JMJD1C: variants seen among roughly 807,000 people sequenced by gnomAD.
The protein encoded by JMJD1C is jumonji domain containing 1C.
JMJD1C carries 31 observed loss-of-function variants against 245.3 expected under a neutral mutation model. The observed-to-expected ratio is 0.13, with a 90% CI of 0.09 to 0.17. JMJD1C has a LOEUF of 0.17. Ranked by LOEUF, JMJD1C falls within the 10% of genes least tolerant of loss-of-function variation. JMJD1C has a pLI of 1.00. For missense variants in JMJD1C, 2,691 were observed against 3,000.2 expected, an observed-to-expected ratio of 0.90 and a Z score of 2.41; for synonymous variants, 1,057 against 1,017.4, an observed-to-expected ratio of 1.04 and a Z score of -0.74.
intron 1 of JMJD1C, among the ~76,000 whole-genome samples, chr10:63,480,874 A>C (rs1197966761): frequency 6.6e-6 from 1 of 152,210 alleles, no homozygotes; most frequent in Admixed American, 6.5e-5. Context: ...CTTTCATTCT[A>C]TATCACAGGA....
At chr10:63,194,534 G>GAT (rs1404641736) in intron 13 of JMJD1C, 159 bp from the exon 14 acceptor site, 1 of 541,362 alleles carries the variant, frequency 1.8e-6, no homozygotes, top group Non-Finnish European at 3.3e-6. Context: ...AAATGTCAAT[G>GAT]ATATGCTTTA....
intron 1 of JMJD1C, chr10:63,427,335 T>TA: frequency 9.4e-7 from 1 of 1,067,650 alleles, no homozygotes; most frequent in Admixed American, 2.0e-5. Context: ...TGCTCCAGAG[T>TA]TCCTGGGACC....
chr10:63,204,233 GGACTTGGTGAAC>G (rs775869197), intron 10 of JMJD1C: 137 of 985,048 alleles, frequency 1.4e-4, no homozygotes, highest in Non-Finnish European at 1.3e-4. Context: ...ATATTACTTT[GGACTTGGTGAAC>G]AAATGGGTCA....
rs1440662664 is a variant in JMJD1C, at chr10:63,183,425, CTACT to C, written c.7084+18_7084+21del. ...GATTATTCAACTCTTATTTCAAAGA[CTACT>C]TATTCTTTTAAGTTTACCTGCTTTT... On this transcript the variant is annotated intron_variant, in intron 22 of 25. Transcript: ENST00000399262. 3 of 1,591,972 alleles carry C rather than the reference CTACT, an allele frequency of 1.9e-6. No homozygotes were observed. Among genetic ancestry groups the C allele is most frequent in the South Asian group, 1.1e-5 (1 of 89,390 alleles).
At chr10:63,271,561 AT>A (rs919486178) in intron 2 of JMJD1C, among the ~76,000 whole-genome samples, 3 of 151,740 alleles carry the variant, frequency 2.0e-5, no homozygotes, top group Non-Finnish European at 4.4e-5. Flanking sequence ...ATTAAAAAAA[AT>A]TTTTTTGAGA....
chr10:63,340,788 T>C (rs1373746810), intron 2 of JMJD1C, among the ~76,000 whole-genome samples: 1 of 151,858 alleles, frequency 6.6e-6, no homozygotes, highest in Non-Finnish European at 1.5e-5. Context: ...CTACTAAAAA[T>C]ACAAAAATTG....
intron 1 of JMJD1C, among the ~76,000 whole-genome samples, chr10:63,443,731 T>G (rs2719811): frequency 0.99 from 150,044 of 152,298 alleles, 73,946 homozygotes; most frequent in Middle Eastern, 1. Flanking sequence ...AGAGGTTAGG[T>G]CATGGAGATG....
intron 8 of JMJD1C, among the ~76,000 whole-genome samples, chr10:63,210,522 A>G (rs1281974724): frequency 2.0e-5 from 3 of 152,196 alleles, no homozygotes; most frequent in African/African-American, 7.2e-5. Context: ...TATACATGTG[A>G]CACATACTGA....
chr10:63,389,711 G>A lies in JMJD1C; in HGVS notation c.169-9229C>T, dbSNP rs1020026187. Among the ~76,000 whole-genome samples the A allele has an allele frequency of 4.2e-4, 64 of 152,006 alleles. 1 individual carries two copies. The highest frequency in any genetic ancestry group is 1.5e-4 in the Non-Finnish European group (10 of 67,988). ...TTGTATCAAACCCTCAGACCACAATGAAATAAAACTAGAAATCAACAAAGA... is the reference window on the plus strand; with the variant it reads ...TTGTATCAAACCCTCAGACCACAATAAAATAAAACTAGAAATCAACAAAGA... On this transcript the variant is annotated intron_variant, in intron 1 of 25. Coordinates refer to ENST00000399262, the MANE Select transcript of JMJD1C (RefSeq NM_032776.3).
chr10:63,498,163 G>A (rs1954420630), intron 1 of JMJD1C, among the ~76,000 whole-genome samples: 2 of 152,068 alleles, frequency 1.3e-5, no homozygotes, highest in African/African-American at 4.8e-5. Context: ...CTAAAAAATA[G>A]CAAGTCACTG....
chr10:63,365,354 T>A (rs1589592339), intron 2 of JMJD1C, among the ~76,000 whole-genome samples: 1 of 152,348 alleles, frequency 6.6e-6, no homozygotes, highest in East Asian at 1.9e-4. Context: ...TATCTCCAAA[T>A]CTTAAATTGT....
chr10:63,292,144 A>ATTTTTTTTGTTTTTTTTTTTTTTTTT (rs1858839970), intron 2 of JMJD1C, among the ~76,000 whole-genome samples: 1 of 56,326 alleles, frequency 1.8e-5, no homozygotes. Context: ...GTAGAGACAG[A>ATTTTTTTTGTTTTTTTTTTTTTTTTT]TTTTTTTTTT....
chr10:63,389,996 C>T (rs1002508006), intron 1 of JMJD1C, among the ~76,000 whole-genome samples: 31 of 151,956 alleles, frequency 2.0e-4, no homozygotes, highest in Admixed American at 1.5e-3. Flanking sequence ...GAATAGAACA[C>T]GGCAAGCCCA....
intron 1 of JMJD1C, among the ~76,000 whole-genome samples, chr10:63,406,373 G>T (rs972866847): frequency 6.6e-6 from 1 of 151,986 alleles, no homozygotes; most frequent in Non-Finnish European, 1.5e-5. Context: ...AAGCAATTTT[G>T]GACATGAAGA....
At position 63,207,182 on chromosome 10, in the gene JMJD1C, C is replaced by T; in HGVS notation, c.4487G>A (p.Ser1496Asn). The change falls in exon 10 of 26, where the codon AGT becomes AAT. Residue 1496 changes from serine to asparagine, a missense_variant. Ser to Asn is a conservative substitution (Grantham distance 46). Transcript: ENST00000399262. ...AGGTTCAGTCTCACTGGCATTACTACTTTTATACTGAGCTGCAGCCAATGC... is the reference window on the plus strand; with the variant it reads ...AGGTTCAGTCTCACTGGCATTACTATTTTTATACTGAGCTGCAGCCAATGC... Reference protein sequence around the residue: ...KAALAAAQYKSSNASETEPNA... With the variant: ...KAALAAAQYKNSNASETEPNA... 1 of 1,614,188 alleles carries T rather than the reference C, an allele frequency of 6.2e-7. No homozygotes were observed. Among genetic ancestry groups the T allele is most frequent in the Non-Finnish European group, 8.5e-7 (1 of 1,180,036 alleles).
chr10:63,221,579 T>C (rs1332692395), intron 3 of JMJD1C, among the ~76,000 whole-genome samples: 1 of 152,194 alleles, frequency 6.6e-6, no homozygotes, highest in Non-Finnish European at 1.5e-5. Context: ...TTTCTTTACT[T>C]TGCAAAGAAA....
chr10:63,420,597 T>A (rs1248869220), intron 1 of JMJD1C, among the ~76,000 whole-genome samples: 1 of 118,878 alleles, frequency 8.4e-6, no homozygotes, highest in African/African-American at 3.2e-5. Context: ...CCCAGCTACA[T>A]GGGGGGTGGG....
chr10:63,370,676 T>C (rs1461352713), intron 2 of JMJD1C, among the ~76,000 whole-genome samples: 1 of 152,240 alleles, frequency 6.6e-6, no homozygotes, highest in Non-Finnish European at 1.5e-5. Flanking sequence ...TTTTACTTTG[T>C]TATGGTTTAA....
chr10:63,481,931 T>A (rs1023601301), intron 1 of JMJD1C, among the ~76,000 whole-genome samples: 5 of 152,210 alleles, frequency 3.3e-5, no homozygotes, highest in Admixed American at 1.3e-4. Context: ...ATTCCAAGTT[T>A]TTGTTCTTTT....
Sources: gnomAD v4.1 joint callset for allele counts (sites outside exome capture counted in the v4.1 genomes callset) on GRCh38, gnomAD v4.1.1 for gene constraint, MANE v1.5 for transcripts, NCBI Gene and HGNC (gene_info 2026-07-23, HGNC 2026-07-21) for gene names.